Variants in STX8 observed in about 807,000 individuals in gnomAD.
STX8 encodes the protein syntaxin-8.
A neutral mutation model predicts 37.5 loss-of-function variants in STX8; 23 were observed. The observed-to-expected ratio is 0.61, with a 90% CI of 0.44 to 0.87. The LOEUF is 0.87. Among genes scored for constraint, STX8 ranks in the 40% least tolerant of loss-of-function variants. The probability of loss-of-function intolerance (pLI) is 0.00; values close to 1 mark genes in which losing one functional copy is unlikely to be tolerated. For missense variants in STX8, 313 were observed against 284.7 expected, an observed-to-expected ratio of 1.10 and a Z score of -0.71; for synonymous variants, 115 against 99.1, an observed-to-expected ratio of 1.16 and a Z score of -0.95.
At chr17:9,458,882 T>C (rs1043713087) in intron 6 of STX8, among the ~76,000 whole-genome samples, 3 of 149,312 alleles carry the variant, frequency 2.0e-5, no homozygotes, top group Non-Finnish European at 3.0e-5. Context: ...CAGGCTGGAG[T>C]GCAGTGGTGC....
At chr17:9,444,152 T>C (rs1412017882) in intron 6 of STX8, among the ~76,000 whole-genome samples, 1 of 143,410 alleles carries the variant, frequency 7.0e-6, no homozygotes, top group Non-Finnish European at 1.6e-5. Context: ...CTTCTCTCTT[T>C]CTCTCTCTCT....
rs564181902 is a variant in STX8, at chr17:9,256,391, T to C, written c.644-5746A>G. Among the ~76,000 whole-genome samples, 4 of 152,246 alleles carry C rather than the reference T, an allele frequency of 2.6e-5. No homozygotes were observed. In the South Asian group the frequency reaches 8.3e-4, roughly 32 times the overall value. On this transcript the variant is annotated intron_variant, in intron 7 of 7. Transcript: ENST00000306357. The stretch of plus-strand genomic sequence containing the variant: ...TCTTCTCTTTTCATCCTCTTCTCTT[T>C]CTCCCTCCCTCCTTCCCTTCCTTAA...
At chr17:9,573,231 G>A (rs1358011183) in intron 1 of STX8, among the ~76,000 whole-genome samples, 1 of 151,920 alleles carries the variant, frequency 6.6e-6, no homozygotes, top group Non-Finnish European at 1.5e-5. Context: ...TGGAATTCAG[G>A]AAAAGCCAAC....
At chr17:9,497,860 T>G in intron 5 of STX8, among the ~76,000 whole-genome samples, 1 of 152,220 alleles carries the variant, frequency 6.6e-6, no homozygotes, top group Non-Finnish European at 1.5e-5. Context: ...AACACTTGTT[T>G]AAATCAATGA....
chr17:9,526,098 G>C (rs1418602488), intron 4 of STX8, among the ~76,000 whole-genome samples: 1 of 152,142 alleles, frequency 6.6e-6, no homozygotes, highest in Non-Finnish European at 1.5e-5. Context: ...GAAAGACGAA[G>C]TATTCAAAGC....
At chr17:9,382,268 TATG>T (rs141717745) in intron 6 of STX8, among the ~76,000 whole-genome samples, 4,054 of 152,028 alleles carry the variant, frequency 0.027, 154 homozygotes, top group African/African-American at 0.092. Context: ...ACTAAAAATG[TATG>T]ATTCAGGAAA....
intron 7 of STX8, among the ~76,000 whole-genome samples, chr17:9,267,150 C>A (rs895228120): frequency 3.9e-5 from 6 of 152,194 alleles, no homozygotes; most frequent in African/African-American, 9.7e-5. Flanking sequence ...AGCTGAAACA[C>A]CATGGGCTGC....
chr17:9,345,848 CTTT>C (rs545020159), intron 7 of STX8, among the ~76,000 whole-genome samples: 12 of 52,078 alleles, frequency 2.3e-4, no homozygotes, highest in African/African-American at 5.5e-4. Context: ...TTATGCATTC[CTTT>C]TTTTTTTTTT....
intron 5 of STX8, among the ~76,000 whole-genome samples, chr17:9,494,840 G>T (rs77987123): frequency 1.3e-5 from 2 of 151,890 alleles, no homozygotes; most frequent in Non-Finnish European, 2.9e-5. Flanking sequence ...TCATGTCTTT[G>T]TAAAAATTTT....
chr17:9,417,368 T>G (rs531522257), intron 6 of STX8, among the ~76,000 whole-genome samples: 2 of 152,264 alleles, frequency 1.3e-5, no homozygotes, highest in South Asian at 4.1e-4. Context: ...CAAAGTTAGA[T>G]GCACCCTGGA....
At chr17:9,545,722 A>C (rs1291465375) in intron 3 of STX8, among the ~76,000 whole-genome samples, 1 of 152,136 alleles carries the variant, frequency 6.6e-6, no homozygotes, top group African/African-American at 2.4e-5. Context: ...CTGGGCTTAC[A>C]GACGTGCACC....
At chr17:9,414,110 C>CTATCCAGCCAAT (rs1345020049) in intron 6 of STX8, among the ~76,000 whole-genome samples, 2 of 10,164 alleles carry the variant, frequency 2.0e-4, no homozygotes, top group East Asian at 2.2e-3. Context: ...ATCCATCCAT[C>CTATCCAGCCAAT]CATCCATCCA....
At chr17:9,277,393 G>A (rs1280465750) in intron 7 of STX8, among the ~76,000 whole-genome samples, 4 of 151,944 alleles carry the variant, frequency 2.6e-5, no homozygotes, top group Admixed American at 2.0e-4. Flanking sequence ...ATGAGTGAGG[G>A]CAGGGTCTCA....
intron 6 of STX8, among the ~76,000 whole-genome samples, chr17:9,458,669 A>G (rs946368302): frequency 1.3e-5 from 2 of 152,154 alleles, no homozygotes; most frequent in Non-Finnish European, 2.9e-5. Context: ...CCAATGCAAT[A>G]TGAAGTATGG....
Position 9,544,430 on chromosome 17 carries a change from G to A in STX8, c.323+742C>T, listed in dbSNP as rs375182268. On this transcript the variant is annotated intron_variant, in intron 4 of 7. Coordinates refer to ENST00000306357, the MANE Select transcript of STX8 (RefSeq NM_004853.3). ...ATCACTCACTGGCGAAGAATGGGGA[G>A]GAGGATCCAACTCCTTTGCCTCTGT... 3.3e-5 allele frequency among the ~76,000 whole-genome samples: 5 copies of A among 152,052 alleles called. No individual in the cohort carries two copies. In the East Asian group the frequency reaches 9.7e-4, roughly 29 times the overall value.
At chr17:9,480,874 ATTTC>A (rs1035617720) in intron 6 of STX8, among the ~76,000 whole-genome samples, 32 of 151,134 alleles carry the variant, frequency 2.1e-4, no homozygotes, top group Admixed American at 3.3e-4. Flanking sequence ...TCCTATGCCA[ATTTC>A]TTTCTTTCTT....
At chr17:9,285,716 A>T (rs1256395837) in intron 7 of STX8, among the ~76,000 whole-genome samples, 1 of 152,248 alleles carries the variant, frequency 6.6e-6, no homozygotes, top group Non-Finnish European at 1.5e-5. Context: ...CATGCTGGTT[A>T]TATCATGCCT....
chr17:9,378,761 C>T lies in STX8; in HGVS notation c.542-108G>A, dbSNP rs115005549. 1.8e-3 allele frequency: 1,453 copies of T among 823,598 alleles called. 15 individuals carry two copies. In the African/African-American group the frequency reaches 0.021, roughly 12 times the overall value. 51.0% of individuals were successfully genotyped at this position (823,598 alleles called of 1,614,324 possible). ...GCAATAATGATCTCGAGTGCAGTAA[C>T]TGAAAAGGTACAGAACTCATGTCGA... On this transcript the variant is annotated intron_variant, in intron 6 of 7. Coordinates refer to ENST00000306357, the MANE Select transcript of STX8 (RefSeq NM_004853.3).
At chr17:9,542,443 C>A (rs866012764) in intron 4 of STX8, among the ~76,000 whole-genome samples, 1 of 151,224 alleles carries the variant, frequency 6.6e-6, no homozygotes, top group Non-Finnish European at 1.5e-5. Flanking sequence ...TTTGGGAGGC[C>A]GAGGCAGGCA....
Sources: gnomAD v4.1 joint callset for allele counts (sites outside exome capture counted in the v4.1 genomes callset) on GRCh38, gnomAD v4.1.1 for gene constraint, MANE v1.5 for transcripts, NCBI Gene and HGNC (gene_info 2026-07-23, HGNC 2026-07-21) for gene names.